CNOT6: variants seen among roughly 807,000 people sequenced by gnomAD.
CNOT6 encodes CCR4-NOT transcription complex subunit 6, also known as carbon catabolite repression 4 protein.
Under a neutral mutation model 61.2 loss-of-function variants are expected in CNOT6, and 12 were observed. That is an observed-to-expected ratio of 0.20 (90% CI 0.13 to 0.32). The LOEUF is 0.32. CNOT6 is among the 10% of genes least tolerant of loss of function. The probability of loss-of-function intolerance (pLI) is 1.00; values close to 1 mark genes in which losing one functional copy is unlikely to be tolerated. For synonymous variants in CNOT6, 225 were observed against 240.6 expected, an observed-to-expected ratio of 0.94 and a Z score of 0.60; for missense variants, 405 against 663.9, an observed-to-expected ratio of 0.61 and a Z score of 4.28.
In CNOT6 at chr5:180,575,297, A is replaced by G. The variant is rs1356670019; in HGVS notation, c.*1097A>G. On this transcript the variant is annotated 3_prime_UTR_variant, in exon 12 of 12. Coordinates refer to ENST00000261951, the MANE Select transcript of CNOT6 (RefSeq NM_001370472.1). ...TTTTTCCCATTGTGAAGCATTGAAT[A>G]TCACATTTTGGAACATGTTATAGGG... 3 of 151,746 alleles carry G rather than the reference A, an allele frequency of 2.0e-5. No homozygotes were observed. Among genetic ancestry groups the G allele is most frequent in the African/African-American group, 7.3e-5 (3 of 41,298 alleles). 9.4% of individuals were successfully genotyped at this position (151,746 alleles called of 1,614,324 possible).
chr5:180,571,589 A>T lies in CNOT6; in HGVS notation c.1461+157A>T, dbSNP rs557132712. On this transcript the variant is annotated intron_variant, in intron 11 of 11. Coordinates refer to ENST00000261951, the MANE Select transcript of CNOT6 (RefSeq NM_001370472.1). ...ATGTTCTTTGTTTTTTGTTTGAGAC[A>T]AGGTCTCACTCTGTTACCCAGGCTG... 4.6e-5 allele frequency among the ~76,000 whole-genome samples: 7 copies of T among 152,280 alleles called. No individual in the cohort carries two copies. The South Asian group carries it at 1.2e-3, about 27-fold the overall frequency.
At chr5:180,561,678 G>A (rs575363145) in intron 4 of CNOT6, among the ~76,000 whole-genome samples, 40 of 152,346 alleles carry the variant, frequency 2.6e-4, no homozygotes, top group South Asian at 8.3e-4. Context: ...GGAGGTAGAA[G>A]TTCAGGTTCC....
intron 2 of CNOT6, among the ~76,000 whole-genome samples, chr5:180,535,057 G>T (rs971749769): frequency 9.3e-6 from 1 of 107,314 alleles, no homozygotes; most frequent in South Asian, 2.9e-4. Context: ...AGTCCCTGGG[G>T]TCCGAGAGGC....
At chr5:180,569,440 T>A in intron 10 of CNOT6, 100 bp downstream of exon 10, 1 of 1,007,858 alleles carries the variant, frequency 9.9e-7, no homozygotes, top group East Asian at 2.5e-5. Flanking sequence ...AAATAAAAAT[T>A]CAGTTTGTAA....
At chr5:180,563,105 A>G (rs1469451333) in intron 4 of CNOT6, among the ~76,000 whole-genome samples, 9 of 152,314 alleles carry the variant, frequency 5.9e-5, no homozygotes, top group Non-Finnish European at 1.0e-4. Context: ...TTTCCCATCC[A>G]TGCAACTCAG....
intron 4 of CNOT6, among the ~76,000 whole-genome samples, chr5:180,558,525 A>AAC (rs1235641312): frequency 6.6e-6 from 1 of 151,090 alleles, no homozygotes; most frequent in African/African-American, 2.4e-5. Flanking sequence ...AAAAAAACAA[A>AAC]AAACCTGCTA....
At chr5:180,544,922 C>T (rs533188556) in intron 2 of CNOT6, among the ~76,000 whole-genome samples, 15 of 152,240 alleles carry the variant, frequency 9.9e-5, no homozygotes, top group Admixed American at 5.2e-4. Context: ...GCAAGCACAC[C>T]ACTGCACTCC....
chr5:180,505,226 C>G (rs1421924964), intron 1 of CNOT6, among the ~76,000 whole-genome samples: 1 of 146,532 alleles, frequency 6.8e-6, no homozygotes, highest in Non-Finnish European at 1.5e-5. Flanking sequence ...TCCTAAAGTA[C>G]TGGGATTACA....
At chr5:180,528,769 C>G (rs944610176) in intron 1 of CNOT6, among the ~76,000 whole-genome samples, 1 of 152,198 alleles carries the variant, frequency 6.6e-6, no homozygotes, top group African/African-American at 2.4e-5. Flanking sequence ...AAGCTGGCTT[C>G]TGTGTCCCCC....
At chr5:180,541,209 C>T (rs1223619328) in intron 2 of CNOT6, among the ~76,000 whole-genome samples, 1 of 151,362 alleles carries the variant, frequency 6.6e-6, no homozygotes, top group African/African-American at 2.4e-5. Context: ...CACAATCTCA[C>T]CTCACTGCAA....
intron 4 of CNOT6, among the ~76,000 whole-genome samples, chr5:180,558,182 A>C (rs886670118): frequency 4.6e-5 from 7 of 152,156 alleles, no homozygotes; most frequent in African/African-American, 1.7e-4. Context: ...ACTCCAGGCT[A>C]CTGGGGTCTA....
rs1487083149 is a variant in CNOT6 at position 180,578,302 on chromosome 5, G to A, written c.*4102G>A. On this transcript the variant is annotated 3_prime_UTR_variant, in exon 12 of 12. Transcript: ENST00000261951. ...TAAGGAATGGGCTCATGTGTCTTCC[G>A]TCTTTTGGAAGGAGGTTGACATATT... 2.6e-5 allele frequency: 4 copies of A among 152,532 alleles called. No individual in the cohort carries two copies. The highest frequency in any genetic ancestry group is 5.9e-5 in the Non-Finnish European group (4 of 68,032). 9.4% of individuals were successfully genotyped at this position (152,532 alleles called of 1,614,324 possible). A position where few individuals can be genotyped will look rare whatever the true frequency, so the allele number is the denominator to read the frequency against.
At chr5:180,549,444 T>A (rs532229036) in intron 2 of CNOT6, among the ~76,000 whole-genome samples, 1 of 152,122 alleles carries the variant, frequency 6.6e-6, no homozygotes, top group Non-Finnish European at 1.5e-5. Flanking sequence ...GGTCAGGAGA[T>A]CGAGACCATC....
chr5:180,530,365 T>C (rs1387471007), intron 2 of CNOT6, among the ~76,000 whole-genome samples: 2 of 152,110 alleles, frequency 1.3e-5, no homozygotes, highest in South Asian at 2.1e-4. Flanking sequence ...AAATAACTAA[T>C]AGACAAAACA....
At position 180,548,236 on chromosome 5, in the gene CNOT6, C is replaced by T. The variant is rs73812612; in HGVS notation, c.113-1695C>T. ...CAGAACATTTTCATCATCCCAAAAA[C>T]GAACGCTGTACCCATTTAGCAGTCC... On this transcript the variant is annotated intron_variant, in intron 2 of 11. Transcript: ENST00000261951. Among the ~76,000 whole-genome samples the T allele has an allele frequency of 3.8e-3, 574 of 152,284 alleles. 3 individuals are homozygous for T. The highest frequency in any genetic ancestry group is 0.012 in the African/African-American group (507 of 41,564).
At chr5:180,548,576 G>A (rs1189993130) in intron 2 of CNOT6, among the ~76,000 whole-genome samples, 1 of 152,178 alleles carries the variant, frequency 6.6e-6, no homozygotes, top group African/African-American at 2.4e-5. Flanking sequence ...CCCTCCTTGG[G>A]CTGCCTCCTG....
chr5:180,532,606 A>T (rs1758449688), intron 2 of CNOT6, among the ~76,000 whole-genome samples: 1 of 152,190 alleles, frequency 6.6e-6, no homozygotes, highest in African/African-American at 2.4e-5. Flanking sequence ...CAAGCAGCAG[A>T]CACCAGTTAG....
chr5:180,503,601 CTTTTTTTTTTTT>C (rs56187510), intron 1 of CNOT6, among the ~76,000 whole-genome samples: 1 of 66,130 alleles, frequency 1.5e-5, no homozygotes, highest in Non-Finnish European at 2.7e-5. Context: ...GCCCTACTTC[CTTTTTTTTTTTT>C]TTTTTTTTTT....
At chr5:180,552,523 G>A (rs1233477189) in intron 3 of CNOT6, among the ~76,000 whole-genome samples, 1 of 151,796 alleles carries the variant, frequency 6.6e-6, no homozygotes, top group Admixed American at 6.6e-5. Flanking sequence ...GCAGGCACCT[G>A]TAGTCCCAGT....
Sources: gnomAD v4.1 joint callset for allele counts (sites outside exome capture counted in the v4.1 genomes callset) on GRCh38, gnomAD v4.1.1 for gene constraint, MANE v1.5 for transcripts, NCBI Gene and HGNC (gene_info 2026-07-23, HGNC 2026-07-21) for gene names.